Variants in CALN1 observed in about 807,000 individuals in gnomAD.
CALN1 encodes the protein calcium-binding protein 8.
CALN1 carries 17 observed loss-of-function variants against 30.6 expected under a neutral mutation model. The observed-to-expected ratio is 0.56, with a 90% CI of 0.38 to 0.83. CALN1 has a LOEUF of 0.83. Among genes scored for constraint, CALN1 ranks in the 40% least tolerant of loss-of-function variants. The pLI is 0.00. For missense variants in CALN1, 291 were observed against 354.9 expected (o/e 0.82, Z 1.45); for synonymous variants, 156 against 131.4 (o/e 1.19, Z -1.28).
At chr7:72,230,438 G>C (rs1048099899) in intron 3 of CALN1, among the ~76,000 whole-genome samples, 1 of 150,784 alleles carries the variant, frequency 6.6e-6, no homozygotes, top group African/African-American at 2.4e-5. Context: ...GCCCAGGTAG[G>C]TCAAGGCTGC....
chr7:72,307,736 G>C (rs1799749021), intron 2 of CALN1, among the ~76,000 whole-genome samples: 1 of 152,156 alleles, frequency 6.6e-6, no homozygotes, highest in Non-Finnish European at 1.5e-5. Context: ...ACAGACACTA[G>C]TGCCCTGCAG....
rs1792705185 is a variant in CALN1, at chr7:71,781,384, A to T, written c.*6391T>A. The T allele has an allele frequency of 6.6e-6, 1 of 152,242 alleles. No individual in the cohort carries two copies. Among genetic ancestry groups the T allele is most frequent in the African/African-American group, 2.4e-5 (1 of 41,418 alleles). 9.4% of individuals were successfully genotyped at this position (152,242 alleles called of 1,614,324 possible). The stretch of plus-strand genomic sequence containing the variant: ...CCCTGAGAGAGGCATTCTGGGCTTG[A>T]CAGATGTCAGCATCCTCCCAGGAAT... On this transcript the variant is annotated 3_prime_UTR_variant, in exon 7 of 7. Transcript: ENST00000395275.
intron 5 of CALN1, among the ~76,000 whole-genome samples, chr7:71,833,278 A>G (rs1271054292): frequency 6.6e-6 from 1 of 152,162 alleles, no homozygotes; most frequent in Non-Finnish European, 1.5e-5. Context: ...GTGAATTCCT[A>G]CGGGATAGCA....
intron 3 of CALN1, among the ~76,000 whole-genome samples, chr7:72,243,236 A>G (rs1430521345): frequency 3.3e-5 from 5 of 152,246 alleles, no homozygotes; most frequent in Non-Finnish European, 7.3e-5. Context: ...GTGAGGACAC[A>G]GCAAGAAGGC....
chr7:72,499,891 TTCTTTCTTTC>T, the CALN1 span, among the ~76,000 whole-genome samples: 1 of 56,040 alleles, frequency 1.8e-5, no homozygotes, highest in African/African-American at 9.2e-5. Context: ...CTTTCTTTCT[TTCTTTCTTTC>T]TTTCTTTCTT....
rs1197900522 is a variant in CALN1, at chr7:72,264,341, G to A, written c.244+14345C>T. 1.3e-5 allele frequency among the ~76,000 whole-genome samples: 2 copies of A among 152,130 alleles called. 1 individual carries two copies. Among genetic ancestry groups the A allele is most frequent in the Non-Finnish European group, 2.9e-5 (2 of 68,028 alleles). On this transcript the variant is annotated intron_variant, in intron 3 of 6. Coordinates refer to ENST00000395275, the MANE Select transcript of CALN1 (RefSeq NM_031468.4). ...GAACACTCACTTTATAGAATGAGGT[G>A]TTGCCCAACTCCAGAACTGCATATA...
intron 5 of CALN1, among the ~76,000 whole-genome samples, chr7:71,938,291 A>G (rs1411250328): frequency 6.6e-6 from 1 of 152,178 alleles, no homozygotes; most frequent in Non-Finnish European, 1.5e-5. Flanking sequence ...TTGGTGCTCT[A>G]TCCCCAGTGA....
At chr7:72,479,411 T>C in the CALN1 span, among the ~76,000 whole-genome samples, 1 of 152,124 alleles carries the variant, frequency 6.6e-6, no homozygotes, top group African/African-American at 2.4e-5. Flanking sequence ...CTCTAATTTG[T>C]CTATTTGTAG....
chr7:72,328,841 A>G (rs1214436726), intron 2 of CALN1, among the ~76,000 whole-genome samples: 1 of 152,152 alleles, frequency 6.6e-6, no homozygotes, highest in East Asian at 1.9e-4. Flanking sequence ...GATTACAGGC[A>G]CCCACCACCA....
chr7:72,098,553 A>C (rs1406201688), intron 4 of CALN1, among the ~76,000 whole-genome samples: 1 of 151,884 alleles, frequency 6.6e-6, no homozygotes, highest in Non-Finnish European at 1.5e-5. Context: ...AGAATAATAA[A>C]AAAACTTAGC....
In CALN1 at chr7:72,212,275, C is replaced by A. The variant is rs1042752832; in HGVS notation, c.244+66411G>T. On this transcript the variant is annotated intron_variant, in intron 3 of 6. Coordinates refer to ENST00000395275, the MANE Select transcript of CALN1 (RefSeq NM_031468.4). The stretch of plus-strand genomic sequence containing the variant: ...GAGGCAGGGGAATTGCCTGAACCCA[C>A]GAGGTGGAGGACTGCAGTGAGCGGA... Among the ~76,000 whole-genome samples, 4 of 147,304 alleles carry A rather than the reference C, an allele frequency of 2.7e-5. No individual in the cohort carries two copies. In the East Asian group the frequency reaches 8.3e-4, roughly 30 times the overall value.
chr7:72,481,756 G>C, the CALN1 span, among the ~76,000 whole-genome samples: 1 of 152,014 alleles, frequency 6.6e-6, no homozygotes, highest in Non-Finnish European at 1.5e-5. Flanking sequence ...CACGTATTTG[G>C]GAATTTTCAG....
chr7:71,896,073 A>G (rs1291184349), intron 5 of CALN1, among the ~76,000 whole-genome samples: 2 of 152,212 alleles, frequency 1.3e-5, no homozygotes, highest in Non-Finnish European at 2.9e-5. Context: ...CCAGAAGCCA[A>G]CTGAATTCTA....
At chr7:71,801,779 C>T (rs944174188) in intron 6 of CALN1, among the ~76,000 whole-genome samples, 5 of 151,866 alleles carry the variant, frequency 3.3e-5, no homozygotes, top group Non-Finnish European at 7.4e-5. Flanking sequence ...GAGTTCGAGA[C>T]CAGCCTGGCC....
chr7:72,266,499 G>A (rs1199853835), intron 3 of CALN1, among the ~76,000 whole-genome samples: 3 of 152,130 alleles, frequency 2.0e-5, no homozygotes, highest in Admixed American at 1.3e-4. Flanking sequence ...CTAATGTCAT[G>A]CACATTCCGA....
chr7:72,292,456 G>A lies in CALN1; in HGVS notation c.120-13646C>T, dbSNP rs1798550007. Among the ~76,000 whole-genome samples the A allele has an allele frequency of 2.7e-5, 4 of 147,476 alleles. No homozygotes were observed. The South Asian group carries it at 9.2e-4, about 34-fold the overall frequency. The stretch of plus-strand genomic sequence containing the variant: ...CAGATAGGGCCTTTGAGAGGTGATT[G>A]GGTCACTATATCATGACCCAATCAC... On this transcript the variant is annotated intron_variant, in intron 2 of 6. Transcript: ENST00000395275.
At chr7:71,792,911 C>T (rs953508619) in intron 6 of CALN1, among the ~76,000 whole-genome samples, 7 of 151,772 alleles carry the variant, frequency 4.6e-5, no homozygotes, top group African/African-American at 9.7e-5. Flanking sequence ...CCCAGGAGAG[C>T]GGGGCTGCAA....
upstream of CALN1, among the ~76,000 whole-genome samples, chr7:72,451,556 G>A (rs1177722135): frequency 2.6e-5 from 4 of 151,984 alleles, no homozygotes; most frequent in East Asian, 7.7e-4. Context: ...TCCATCACCA[G>A]GGAGTACCCT....
chr7:72,041,333 G>A (rs1802112009), intron 4 of CALN1, among the ~76,000 whole-genome samples: 1 of 152,032 alleles, frequency 6.6e-6, no homozygotes, highest in African/African-American at 2.4e-5. Flanking sequence ...GGAGTGAGGG[G>A]ATGGGGGTGT....
Sources: allele counts gnomAD v4.1 joint callset (sites outside exome capture counted in the v4.1 genomes callset), GRCh38; gene constraint gnomAD v4.1.1; transcripts MANE v1.5; gene names NCBI Gene and HGNC (gene_info 2026-07-23, HGNC 2026-07-21).